Variants in CERT1 observed in about 807,000 individuals in gnomAD.
CERT1 encodes the protein ceramide transporter 1.
In CERT1, 31 loss-of-function variants were observed where a neutral mutation model predicts 87.9. That is an observed-to-expected ratio of 0.35 (90% CI 0.27 to 0.48). CERT1 has a LOEUF of 0.48. Among genes scored for constraint, CERT1 ranks in the 20% least tolerant of loss-of-function variants. The pLI, the probability that CERT1 is intolerant of heterozygous loss-of-function variation, is 0.99. For missense variants in CERT1, 487 were observed against 758.0 expected (o/e 0.64, Z 4.20); for synonymous variants, 289 against 250.9 (o/e 1.15, Z -1.44).
chr5:75,429,942 G>C (rs1351075856), intron 3 of CERT1, among the ~76,000 whole-genome samples: 1 of 151,564 alleles, frequency 6.6e-6, no homozygotes, highest in African/African-American at 2.4e-5. Context: ...TTCTCTGAAG[G>C]TACAACAGTA....
intron 8 of CERT1, among the ~76,000 whole-genome samples, chr5:75,409,557 C>T (rs1263759562): frequency 1.3e-5 from 2 of 152,026 alleles, no homozygotes; most frequent in Non-Finnish European, 1.5e-5. Context: ...GACGGAGTCT[C>T]GCTCTGTTGC....
intron 7 of CERT1, among the ~76,000 whole-genome samples, chr5:75,411,544 C>T (rs981659879): frequency 1.3e-5 from 2 of 152,080 alleles, no homozygotes; most frequent in South Asian, 2.1e-4. Flanking sequence ...GAACTCCTCA[C>T]CTCGTGATCC....
At chr5:75,396,294 T>A (rs529897490) in intron 11 of CERT1, among the ~76,000 whole-genome samples, 23 of 152,366 alleles carry the variant, frequency 1.5e-4, no homozygotes, top group African/African-American at 5.5e-4. Context: ...TATGCTTATA[T>A]AATATTTTGG....
downstream of CERT1, chr5:75,377,272 A>G (rs1374761249): frequency 6.6e-6 from 1 of 152,238 alleles, no homozygotes; most frequent in Non-Finnish European, 1.5e-5. Context: ...TGTGGGACAC[A>G]GGGACTCCAA....
intron 2 of CERT1, among the ~76,000 whole-genome samples, chr5:75,483,303 A>G (rs1347509885): frequency 6.6e-6 from 1 of 152,216 alleles, no homozygotes; most frequent in African/African-American, 2.4e-5. Flanking sequence ...ACAATGAGTG[A>G]GCTTGAAGAC....
In CERT1 at chr5:75,467,335, G is replaced by A. The variant is rs150568620; in HGVS notation, c.232-8154C>T. On this transcript the variant is annotated intron_variant, in intron 2 of 16. Transcript: ENST00000643780. ...GAGAGTAGAATGAAGGGAGAAAGTTGTAACTATAAAGAGGTAGCATATGAA... is the reference window on the plus strand; with the variant it reads ...GAGAGTAGAATGAAGGGAGAAAGTTATAACTATAAAGAGGTAGCATATGAA... Among the ~76,000 whole-genome samples the A allele has an allele frequency of 5.3e-4, 81 of 152,216 alleles. 2 individuals carry two copies. The East Asian group carries it at 0.014, about 27-fold the overall frequency.
chr5:75,419,377 C>A lies in CERT1; in HGVS notation c.643G>T (p.Asp215Tyr). 1 of 1,613,124 alleles carries A rather than the reference C, an allele frequency of 6.2e-7. No individual in the cohort carries two copies. The highest frequency in any genetic ancestry group is 1.1e-5 in the South Asian group (1 of 91,008). ...TTGCCGTTGGTACTATGCAAGAAGT[C>A]ACCATCAGAACGCGTTGTAGGAAAG... ...DDFPTTRSDG[D>Y]FLHSTNGNKE... Residue 215 changes from aspartate to tyrosine, a missense_variant, in exon 6 of 17, where the codon GAC becomes TAC. This residue lies in a region of CERT1 where 173 missense variants were observed against 302.2 expected (regional missense o/e 0.57). Coordinates refer to ENST00000643780, the MANE Select transcript of CERT1 (RefSeq NM_001379029.1).
intron 2 of CERT1, among the ~76,000 whole-genome samples, chr5:75,490,437 T>C (rs1766730088): frequency 6.6e-6 from 1 of 152,206 alleles, no homozygotes; most frequent in Non-Finnish European, 1.5e-5. Flanking sequence ...TGATCCTTTT[T>C]ATCTTACTTT....
chr5:75,482,353 A>G (rs1766285673), intron 2 of CERT1, among the ~76,000 whole-genome samples: 1 of 152,194 alleles, frequency 6.6e-6, no homozygotes, highest in East Asian at 1.9e-4. Flanking sequence ...GAGTGGAAGG[A>G]CTTGTGGCTT....
At chr5:75,475,335 A>G (rs1580823503) in intron 2 of CERT1, among the ~76,000 whole-genome samples, 1 of 152,228 alleles carries the variant, frequency 6.6e-6, no homozygotes, top group Non-Finnish European at 1.5e-5. Context: ...AAAGAGAGTG[A>G]AAAGACTTTT....
intron 13 of CERT1, among the ~76,000 whole-genome samples, 178 bp downstream of exon 13, chr5:75,385,724 T>C (rs1761759554): frequency 6.6e-6 from 1 of 152,242 alleles, no homozygotes; most frequent in African/African-American, 2.4e-5. Context: ...AATTACATAC[T>C]AGGAAGCATT....
In CERT1 at chr5:75,456,271, C is replaced by T. The variant is rs549780887; in HGVS notation, c.348+2794G>A. On this transcript the variant is annotated intron_variant, in intron 3 of 16. Transcript: ENST00000643780. ...ATTCACTTAAATATTCACTGATAGG[C>T]TGCTCAGTTGGCATACATCACATAT... is the stretch of plus-strand genomic sequence containing the variant. Among the ~76,000 whole-genome samples the T allele has an allele frequency of 5.5e-4, 84 of 152,232 alleles. No individual in the cohort carries two copies. The Middle Eastern group carries it at 0.01, about 18-fold the overall frequency.
At chr5:75,402,787 G>A (rs1445849719) in intron 9 of CERT1, 185 bp downstream of exon 9, 4 of 431,498 alleles carry the variant, frequency 9.3e-6, no homozygotes, top group Admixed American at 3.6e-5. Context: ...GCAACAGAGC[G>A]AGACTCTGTC....
intron 8 of CERT1, 69 bp downstream of exon 8, chr5:75,410,942 T>C (rs2112126711): frequency 2.6e-6 from 2 of 781,664 alleles, no homozygotes; most frequent in East Asian, 5.2e-5. Flanking sequence ...ACAAGAGTAT[T>C]ATTAAAAAAT....
At chr5:75,400,931 C>T (rs749096570) in intron 9 of CERT1, 1 of 152,174 alleles carries the variant, frequency 6.6e-6, no homozygotes, top group South Asian at 2.1e-4. Context: ...ATGTATCTTT[C>T]TTTCCCTATG....
chr5:75,499,471 T>G (rs1767241855), intron 2 of CERT1, among the ~76,000 whole-genome samples: 1 of 152,120 alleles, frequency 6.6e-6, no homozygotes, highest in African/African-American at 2.4e-5. Context: ...TGGTTTGCAT[T>G]CTCTCTCCTG....
intron 3 of CERT1, among the ~76,000 whole-genome samples, chr5:75,431,953 A>T (rs1455750864): frequency 6.6e-6 from 1 of 152,204 alleles, no homozygotes; most frequent in African/African-American, 2.4e-5. Flanking sequence ...TTGCTGGTCA[A>T]ATGGTAGTTC....
chr5:75,371,419 A>G (rs1445857284), intron 17 of CERT1: 2 of 152,234 alleles, frequency 1.3e-5, no homozygotes, highest in Non-Finnish European at 2.9e-5. Context: ...GCTCAGCCCA[A>G]CTAAAAATTT....
chr5:75,424,341 G>T (rs1763509826), intron 5 of CERT1, among the ~76,000 whole-genome samples: 1 of 152,160 alleles, frequency 6.6e-6, no homozygotes, highest in African/African-American at 2.4e-5. Context: ...CAGCACTTTG[G>T]AAGGCCGAGG....
Sources: gnomAD v4.1 joint callset for allele counts (sites outside exome capture counted in the v4.1 genomes callset) on GRCh38, gnomAD v4.1.1 for gene constraint, gnomAD v4.1.1 regional missense constraint, MANE v1.5 for transcripts, NCBI Gene and HGNC (gene_info 2026-07-23, HGNC 2026-07-21) for gene names.